The following TULP1 variants were observed in gnomAD, a reference collection of about 807,000 sequenced individuals.
TULP1 encodes tubby-related protein 1.
TULP1 carries 50 observed loss-of-function variants against 67.1 expected under a neutral mutation model. The observed-to-expected ratio is 0.75, with a 90% confidence interval of 0.59 to 0.94. The LOEUF is 0.94. Among genes scored for constraint, TULP1 ranks in the 40% least tolerant of loss-of-function variants. TULP1 has a pLI of 0.00. For missense variants in TULP1, 746 were observed against 734.1 expected, an observed-to-expected ratio of 1.02 and a Z score of -0.19; for synonymous variants, 297 against 294.0, an observed-to-expected ratio of 1.01 and a Z score of -0.11.
chr6:35,506,977 A>G (rs965554635), intron 8 of TULP1, among the ~76,000 whole-genome samples: 3 of 152,162 alleles, frequency 2.0e-5, no homozygotes, highest in African/African-American at 7.2e-5. Flanking sequence ...GATGATATTC[A>G]TTATCATAAG....
rs757429766 is a variant in TULP1 at position 35,503,099 on chromosome 6, G to A, written c.1323+460C>T. Among the ~76,000 whole-genome samples, 6 of 151,804 alleles carry A rather than the reference G, an allele frequency of 4.0e-5. No individual in the cohort carries two copies. The highest frequency in any genetic ancestry group is 9.7e-5 in the African/African-American group (4 of 41,314). On this transcript the variant is annotated intron_variant, in intron 13 of 14. Transcript: ENST00000229771. This position sits in a 1 kb window ranked among gnomAD's most constrained non-coding sequence, Gnocchi z 4.0. ...ACTATAGGCGCCCGCCACCATGCCCGGCTAATTTTTTTGTATTTTTAGTAG... is the reference window on the plus strand; with the variant it reads ...ACTATAGGCGCCCGCCACCATGCCCAGCTAATTTTTTTGTATTTTTAGTAG...
rs146287182 is a variant in TULP1, at chr6:35,503,592, C to T, written c.1290G>A (p.Ala430=). 53 of 1,590,884 alleles carry T rather than the reference C, an allele frequency of 3.3e-5. 2 individuals are homozygous for T. Among genetic ancestry groups the T allele is most frequent in the South Asian group, 2.9e-4 (25 of 87,212 alleles). The change falls in exon 13 of 15, where the codon GCG becomes GCA. Residue 430 remains alanine, a synonymous_variant. Coordinates refer to ENST00000229771, the MANE Select transcript of TULP1 (RefSeq NM_003322.6). The surrounding 1 kb of genome is among the most constrained non-coding windows in gnomAD (Gnocchi z 4.0). ...GCCGGATGGGGACCCTCTCGTTCTC[C>T]GCACTCATGCCAGGAATGATGACGG... ...RMTVIIPGMS[A]ENERVPIRPR... is the part of the protein sequence containing the mutation.
At chr6:35,509,502 C>T in intron 7 of TULP1, 132 bp downstream of exon 7, 2 of 1,098,688 alleles carry the variant, frequency 1.8e-6, no homozygotes, top group Non-Finnish European at 1.4e-6. Flanking sequence ...TCAAGATGCC[C>T]TGCACGTTGT....
rs1761068198 is a variant in TULP1, at chr6:35,505,791, G to A, written c.1062C>T (p.Ile354=). 6.2e-7 allele frequency: 1 copy of A among 1,614,196 alleles called. No homozygotes were observed. The highest frequency in any genetic ancestry group is 8.5e-7 in the Non-Finnish European group (1 of 1,180,040). Residue 354 remains isoleucine, a synonymous_variant, in exon 11 of 15, where the codon ATC becomes ATT. Transcript: ENST00000229771. ...CTCCTCGGGACAGATTGGTAGGGTC[G>A]ATGGAGATGAGGTAATTGGCTGTCT... ...RSKTANYLIS[I]DPTNLSRGGE...
At chr6:35,512,459 C>T (rs1224263613) in intron 2 of TULP1, among the ~76,000 whole-genome samples, 180 bp downstream of exon 2, 8 of 152,064 alleles carry the variant, frequency 5.3e-5, no homozygotes, top group Non-Finnish European at 8.8e-5. Flanking sequence ...CTCCAAAGTC[C>T]CTATTCCTTC....
intron 11 of TULP1, among the ~76,000 whole-genome samples, chr6:35,504,340 G>A (rs1373385278): frequency 1.3e-5 from 2 of 151,918 alleles, no homozygotes; most frequent in South Asian, 4.2e-4. Context: ...GTAAGACCCA[G>A]TCTCCAAAAC....
Position 35,511,661 on chromosome 6 carries a change from TG to T in TULP1, c.335del (p.Pro112GlnfsTer36). The T allele has an allele frequency of 6.3e-7, 1 of 1,595,212 alleles. No individual in the cohort carries two copies. The highest frequency in any genetic ancestry group is 8.5e-7 in the Non-Finnish European group (1 of 1,170,552). ...GCCCTCTCTCACCGTCCTCCGCGTC[TG>T]GGGCACGGGCTACCAGAAAGGTTTC... is the stretch of plus-strand genomic sequence containing the variant. Reference protein sequence around the residue: ...PRETFLVARAPDAEDEEEEEE... With the variant: ...PRETFLVARAXDAEDEEEEEE... On this transcript the variant is annotated frameshift_variant, in exon 4 of 15. Coordinates refer to ENST00000229771, the MANE Select transcript of TULP1 (RefSeq NM_003322.6). LOFTEE classifies it high-confidence loss of function.
In TULP1 at chr6:35,498,873, T is replaced by A. The variant is rs1768767293; in HGVS notation, c.1496-413A>T. Among the ~76,000 whole-genome samples the A allele has an allele frequency of 6.6e-6, 1 of 152,086 alleles. No homozygotes were observed. The highest frequency in any genetic ancestry group is 2.1e-4 in the South Asian group (1 of 4,828). ...GCTCCACCCCTTGACTAGCCCCTGGTTCCCTTCCTCAGCCTCACTGGGCAC... is the reference window on the plus strand; with the variant it reads ...GCTCCACCCCTTGACTAGCCCCTGGATCCCTTCCTCAGCCTCACTGGGCAC... On this transcript the variant is annotated intron_variant, in intron 14 of 14. Transcript: ENST00000229771. This position sits in a 1 kb window ranked among gnomAD's most constrained non-coding sequence, Gnocchi z 6.7.
chr6:35,512,156 AC>A, intron 3 of TULP1, 23 bp downstream of exon 3: 2 of 1,306,476 alleles, frequency 1.5e-6, no homozygotes, highest in Non-Finnish European at 9.8e-7. Context: ...CTGGGGGTCC[AC>A]CCGGGCTCTG....
chr6:35,505,978 T>G (rs1761073409), intron 10 of TULP1, 25 bp downstream of exon 10: 2 of 1,613,950 alleles, frequency 1.2e-6, no homozygotes, highest in South Asian at 2.2e-5. Context: ...CCACACTCCC[T>G]CCTCTGCTGC....
Position 35,511,732 on chromosome 6 carries a change from C to T in TULP1, c.265G>A (p.Ala89Thr). ...AQARAPQTVYARFLRDPEAKK... is the reference protein window; with the variant it reads ...AQARAPQTVYTRFLRDPEAKK... ...GCCTCGGGGTCCCTGAGGAACCTGG[C>T]GTAGACCGTCTGCGGCGCCCGGGCC... Residue 89 changes from alanine to threonine, a missense_variant, in exon 4 of 15, where the codon GCC becomes ACC. Transcript: ENST00000229771. 6.3e-7 allele frequency: 1 copy of T among 1,590,378 alleles called. No homozygotes were observed. The highest frequency in any genetic ancestry group is 8.6e-7 in the Non-Finnish European group (1 of 1,168,798).
chr6:35,512,843 C>T lies in TULP1; in HGVS notation c.16G>A (p.Glu6Lys). The change falls in exon 1 of 15, where the codon GAA (glutamate) becomes AAA (lysine). Residue 6 changes from glutamate to lysine, a missense_variant. Around this residue, in one of 3 missense-constraint regions of TULP1, gnomAD observed 359 missense variants for 341.9 expected, o/e 1.05. Transcript: ENST00000229771. MPLRD[E>K]TLREVWASDS... ...GAGGCCCACACCTCTCGGAGGGTTT[C>T]ATCCCGCAGAGGCATGGTGCCTTTG... is the stretch of plus-strand genomic sequence containing the variant. The T allele has an allele frequency of 1.2e-6, 2 of 1,611,248 alleles. No homozygotes were observed. Among genetic ancestry groups the T allele is most frequent in the Non-Finnish European group, 1.7e-6 (2 of 1,178,986 alleles).
At chr6:35,505,715 C>A (rs756805223) in intron 11 of TULP1, 26 bp downstream of exon 11, 2 of 1,613,186 alleles carry the variant, frequency 1.2e-6, no homozygotes, top group African/African-American at 1.3e-5. Flanking sequence ...CCCAAGTCCC[C>A]CCAGCCCCAG....
Position 35,503,542 on chromosome 6 carries a change from G to A in TULP1, c.1323+17C>T. 1 of 1,555,940 alleles carries A rather than the reference G, an allele frequency of 6.4e-7. No individual in the cohort carries two copies. ...TCTCACATAGGGAGCCAGGGGCCAG[G>A]GAGGTGCGGGGCTCACATTTCGGGG... On this transcript the variant is annotated intron_variant, in intron 13 of 14. Coordinates refer to ENST00000229771, the MANE Select transcript of TULP1 (RefSeq NM_003322.6). This position sits in a 1 kb window ranked among gnomAD's most constrained non-coding sequence, Gnocchi z 4.0.
rs144957247 is a variant in TULP1, at chr6:35,510,981, C to T, written c.379G>A (p.Asp127Asn). ...EEEEEEEDEE[D>N]EEEEAEEKKE... Reference sequence around the variant, plus strand: ...TTTTCCTCTGCCTCCTCTTCCTCGTCCTCCTCGTCCTCCTCTTCCTCCTCC... The same window carrying T: ...TTTTCCTCTGCCTCCTCTTCCTCGTTCTCCTCGTCCTCCTCTTCCTCCTCC... Residue 127 changes from aspartate to asparagine, a missense_variant, in exon 5 of 15, where the codon GAC becomes AAC. This residue lies in a region of TULP1 where 359 missense variants were observed against 341.9 expected (regional missense o/e 1.05). Transcript: ENST00000229771. The T allele has an allele frequency of 8.1e-6, 13 of 1,600,712 alleles. No homozygotes were observed. The highest frequency in any genetic ancestry group is 1.1e-5 in the Non-Finnish European group (13 of 1,173,648).
intron 4 of TULP1, 56 bp from the exon 5 acceptor site, chr6:35,511,066 G>GA (rs1761191807): frequency 6.3e-7 from 1 of 1,597,298 alleles, no homozygotes; most frequent in Admixed American, 1.7e-5. Context: ...CTTATCTGGG[G>GA]AGCCCAGTTC....
rs201070350 is a variant in TULP1, at chr6:35,506,101, G to C, written c.901C>G (p.Gln301Glu). 3.7e-4 allele frequency: 589 copies of C among 1,613,462 alleles called. No homozygotes were observed. The highest frequency in any genetic ancestry group is 4.6e-4 in the Non-Finnish European group (538 of 1,179,994). Residue 301 changes from glutamine to glutamate, a missense_variant, in exon 10 of 15, where the codon CAG (glutamine) becomes GAG (glutamate). Transcript: ENST00000229771. ...PREFVLRPAPQGRTVRCRLTR... is the reference protein window; with the variant it reads ...PREFVLRPAPEGRTVRCRLTR... ...AGCCGGCAGCGCACCGTGCGGCCCT[G>C]GGGGGCAGGCCGGAGCACAAACTCC...
Position 35,508,933 on chromosome 6 carries a change from C to CT in TULP1, c.822+275dup. Among the ~76,000 whole-genome samples the CT allele has an allele frequency of 1.3e-5, 2 of 152,274 alleles. 1 individual carries two copies. Among genetic ancestry groups the CT allele is most frequent in the Middle Eastern group, 6.8e-3 (2 of 294 alleles). On this transcript the variant is annotated intron_variant, in intron 8 of 14. Coordinates refer to ENST00000229771, the MANE Select transcript of TULP1 (RefSeq NM_003322.6). ...AAACATGGTGGGGGCGTGGGGACATCTCTGGCTGTCTGATGGTTATGCTCC... is the reference window on the plus strand; with the variant it reads ...AAACATGGTGGGGGCGTGGGGACATCTTCTGGCTGTCTGATGGTTATGCTCC...
At chr6:35,505,979 C>T (rs1038911529) in intron 10 of TULP1, 24 bp downstream of exon 10, 3 of 1,614,022 alleles carry the variant, frequency 1.9e-6, no homozygotes, top group African/African-American at 2.7e-5. Context: ...CACACTCCCT[C>T]CTCTGCTGCC....
Sources: gnomAD v4.1 joint callset for allele counts (sites outside exome capture counted in the v4.1 genomes callset) on GRCh38, gnomAD v4.1.1 for gene constraint, gnomAD v4.1.1 regional missense constraint, Gnocchi (gnomAD v3.1) non-coding constraint, MANE v1.5 for transcripts, NCBI Gene and HGNC (gene_info 2026-07-23, HGNC 2026-07-21) for gene names.